Variants in MBD5 observed in about 807,000 individuals in gnomAD.
MBD5 encodes methyl-CpG-binding domain protein 5.
In MBD5, 13 loss-of-function variants were observed where a neutral mutation model predicts 117.3. The ratio of observed to expected loss-of-function variants is 0.11; its 90% confidence interval spans 0.07 to 0.18. MBD5 has a LOEUF of 0.18. Ranked by LOEUF, MBD5 falls within the 10% of genes least tolerant of loss-of-function variation. MBD5 has a pLI of 1.00. For synonymous variants in MBD5, 727 were observed against 766.4 expected, an observed-to-expected ratio of 0.95 and a Z score of 0.85; for missense variants, 1,879 against 2,093.8, an observed-to-expected ratio of 0.90 and a Z score of 2.00.
At chr2:148,217,410 G>T in intron 2 of MBD5, among the ~76,000 whole-genome samples, 1 of 152,170 alleles carries the variant, frequency 6.6e-6, no homozygotes, top group East Asian at 1.9e-4. Context: ...ACAGGGTATG[G>T]AGCAGTCTGC....
At chr2:148,345,514 TATATACACATACATATGTATATACAC>T (rs1275486008) in intron 4 of MBD5, among the ~76,000 whole-genome samples, 201 of 95,922 alleles carry the variant, frequency 2.1e-3, no homozygotes, top group African/African-American at 3.8e-3. Context: ...TATACATATG[TATATACACATACATATGTATATACAC>T]ATATACACAT....
In MBD5 at chr2:148,021,463, T is replaced by TTGCTGCTGCTGCTGC; in HGVS notation, c.-1143_-1129dup. The TTGCTGCTGCTGCTGC allele has an allele frequency of 1.7e-6, 1 of 573,876 alleles. No homozygotes were observed. Among genetic ancestry groups the TTGCTGCTGCTGCTGC allele is most frequent in the Admixed American group, 2.2e-5 (1 of 44,922 alleles). The allele number at this position is 573,876 out of a possible 1,614,324, so 35.5% of individuals were successfully genotyped here. A position where few individuals can be genotyped will look rare whatever the true frequency, so the allele number is the denominator to read the frequency against. ...CAACACAGACCCTTTGCTGCTGCTG[T>TTGCTGCTGCTGCTGC]TGCTGCTGCTGCTGCTGTTGCTGCT... On this transcript the variant is annotated 5_prime_UTR_variant, in exon 1 of 14. Transcript: ENST00000642680.
intron 3 of MBD5, among the ~76,000 whole-genome samples, chr2:148,257,642 C>G (rs1371044058): frequency 6.6e-6 from 1 of 152,202 alleles, no homozygotes; most frequent in Non-Finnish European, 1.5e-5. Context: ...GTTAACATAT[C>G]ATCAATATAA....
At chr2:148,348,346 C>A (rs981504248) in intron 4 of MBD5, among the ~76,000 whole-genome samples, 2 of 152,010 alleles carry the variant, frequency 1.3e-5, no homozygotes, top group Admixed American at 1.3e-4. Context: ...AAGAACTATC[C>A]CTGGTTAACT....
At position 148,118,372 on chromosome 2, in the gene MBD5, G is replaced by A. The variant is rs189907279; in HGVS notation, c.-924-60328G>A. Among the ~76,000 whole-genome samples, 23 of 151,990 alleles carry A rather than the reference G, an allele frequency of 1.5e-4. No homozygotes were observed. In the East Asian group the frequency reaches 4.4e-3, roughly 29 times the overall value. On this transcript the variant is annotated intron_variant, in intron 1 of 13. Transcript: ENST00000642680. ...TGCATGCAGTCCCATCTACTTAGGA[G>A]GCTGAGATTGGAGGATGGCTTAAGC...
rs910599430 is a variant in MBD5, at chr2:148,516,173, G to A, written c.*3232G>A. 15 of 152,094 alleles carry A rather than the reference G, an allele frequency of 9.9e-5. No individual in the cohort carries two copies. Among genetic ancestry groups the A allele is most frequent in the African/African-American group, 3.4e-4 (14 of 41,406 alleles). 9.4% of individuals were successfully genotyped at this position (152,094 alleles called of 1,614,324 possible). ...TTTTAGGAAGATTCTTATATCCTAC[G>A]AGGTGACTCATGTTTCATTTTAGAC... is the stretch of plus-strand genomic sequence containing the variant. On this transcript the variant is annotated 3_prime_UTR_variant, in exon 14 of 14. Coordinates refer to ENST00000642680, the MANE Select transcript of MBD5 (RefSeq NM_001378120.1).
intron 3 of MBD5, among the ~76,000 whole-genome samples, chr2:148,238,787 G>A (rs1415411260): frequency 3.3e-5 from 5 of 151,946 alleles, no homozygotes; most frequent in Non-Finnish European, 4.4e-5. Flanking sequence ...CAATCTTTGC[G>A]TTCATCATCA....
At chr2:148,248,424 T>C (rs933058290) in intron 3 of MBD5, among the ~76,000 whole-genome samples, 1 of 152,056 alleles carries the variant, frequency 6.6e-6, no homozygotes, top group Non-Finnish European at 1.5e-5. Context: ...CTTAAGGTAG[T>C]CCCACGTAGC....
chr2:148,245,275 G>A (rs1315208150), intron 3 of MBD5, among the ~76,000 whole-genome samples: 1 of 142,724 alleles, frequency 7.0e-6, no homozygotes, highest in African/African-American at 2.5e-5. Flanking sequence ...GCCCAGGCTG[G>A]AGTGCAGTGG....
At chr2:148,031,078 A>G (rs776794930) in intron 1 of MBD5, among the ~76,000 whole-genome samples, 1 of 152,202 alleles carries the variant, frequency 6.6e-6, no homozygotes, top group Non-Finnish European at 1.5e-5. Flanking sequence ...GATAAGATAT[A>G]ATATATGGGA....
chr2:148,266,674 A>G (rs563431251), intron 3 of MBD5, among the ~76,000 whole-genome samples: 9 of 152,254 alleles, frequency 5.9e-5, no homozygotes, highest in Middle Eastern at 3.4e-3. Context: ...TTTATAAAAT[A>G]ATAACTCCCC....
chr2:148,331,004 G>T lies in MBD5; in HGVS notation c.-679-11210G>T, dbSNP rs182288839. Among the ~76,000 whole-genome samples, 316 of 152,232 alleles carry T rather than the reference G, an allele frequency of 2.1e-3. 5 individuals carry two copies. Among genetic ancestry groups the T allele is most frequent in the Middle Eastern group, 6.8e-3 (2 of 294 alleles). On this transcript the variant is annotated intron_variant, in intron 3 of 13. Transcript: ENST00000642680. ...AGAGCCAGGATTTGAATCTAATCTA[G>T]AACCTATGCTCCTACCCACAACAGT...
chr2:148,415,026 T>C (rs976721628), intron 4 of MBD5, among the ~76,000 whole-genome samples: 1 of 152,184 alleles, frequency 6.6e-6, no homozygotes, highest in Non-Finnish European at 1.5e-5. Context: ...AGCTGGTTAT[T>C]ATGCAGATTT....
intron 3 of MBD5, among the ~76,000 whole-genome samples, chr2:148,254,589 G>A (rs575426962): frequency 1.3e-5 from 2 of 152,208 alleles, no homozygotes; most frequent in South Asian, 2.1e-4. Flanking sequence ...ACAGTGGCAG[G>A]TACATAAGGT....
rs566405467 is a variant in MBD5, at chr2:148,152,229, C to T, written c.-924-26471C>T. The stretch of plus-strand genomic sequence containing the variant: ...AGTCATTCAGGAGCAGGTTGTTCAG[C>T]TTCCATGTAGTTGAGTGGTTTTGAG... On this transcript the variant is annotated intron_variant, in intron 1 of 13. Coordinates refer to ENST00000642680, the MANE Select transcript of MBD5 (RefSeq NM_001378120.1). 3.3e-5 allele frequency among the ~76,000 whole-genome samples: 5 copies of T among 152,240 alleles called. No individual in the cohort carries two copies. In the South Asian group the frequency reaches 8.3e-4, roughly 25 times the overall value.
At position 148,483,995 on chromosome 2, in the gene MBD5, G is replaced by A. The variant is rs1216652974; in HGVS notation, c.3404G>A (p.Gly1135Asp). 3 of 1,550,466 alleles carry A rather than the reference G, an allele frequency of 1.9e-6. No homozygotes were observed. The East Asian group carries it at 7.3e-5, about 38-fold the overall frequency. ...GCAGCACTGACTGTCTCAACACTTG[G>A]TGGGACAGCAGTGGTGTCAATGGCA... ...AVAALTVSTL[G>D]GTAVVSMAET... The change falls in exon 9 of 14, where the codon GGT (glycine) becomes GAT (aspartate). Residue 1135 changes from glycine (G) to aspartate (D), a missense_variant. Physicochemically the swap from Gly to Asp is moderately conservative, Grantham distance 94 (BLOSUM62 -1). Transcript: ENST00000642680.
At position 148,516,958 on chromosome 2, in the gene MBD5, G is replaced by A. The variant is rs967384388; in HGVS notation, c.*4017G>A. 6.6e-6 allele frequency: 1 copy of A among 152,146 alleles called. No individual in the cohort carries two copies. Among genetic ancestry groups the A allele is most frequent in the African/African-American group, 2.4e-5 (1 of 41,424 alleles). The allele number at this position is 152,146 out of a possible 1,614,324, so 9.4% of individuals were successfully genotyped here. A position where few individuals can be genotyped will look rare whatever the true frequency, so the allele number is the denominator to read the frequency against. The stretch of plus-strand genomic sequence containing the variant: ...TTTATGGATTAAGTATAAATACACT[G>A]GATTGTCTATGTAGAAGTGTAGCAG... On this transcript the variant is annotated 3_prime_UTR_variant, in exon 14 of 14. Coordinates refer to ENST00000642680, the MANE Select transcript of MBD5 (RefSeq NM_001378120.1).
Position 148,428,674 on chromosome 2 carries a change from C to G in MBD5, c.-556-29529C>G, listed in dbSNP as rs201900576. Among the ~76,000 whole-genome samples the G allele has an allele frequency of 4.5e-4, 69 of 152,176 alleles. 1 individual carries two copies. The East Asian group carries it at 9.1e-3, about 20-fold the overall frequency. On this transcript the variant is annotated intron_variant, in intron 4 of 13. Coordinates refer to ENST00000642680, the MANE Select transcript of MBD5 (RefSeq NM_001378120.1). The stretch of plus-strand genomic sequence containing the variant: ...ATAGACCAATGGAACAGAACAGAGG[C>G]CTCAGAAATCACACCACACATCTAC...
chr2:148,504,851 T>A (rs1331158328), intron 12 of MBD5, among the ~76,000 whole-genome samples: 1 of 152,074 alleles, frequency 6.6e-6, no homozygotes, highest in African/African-American at 2.4e-5. Flanking sequence ...ATAAGAGGTA[T>A]AAGCGGGAAC....
Sources: allele counts gnomAD v4.1 joint callset (sites outside exome capture counted in the v4.1 genomes callset), GRCh38; gene constraint gnomAD v4.1.1; transcripts MANE v1.5; gene names NCBI Gene and HGNC (gene_info 2026-07-23, HGNC 2026-07-21).